Variants in FRMPD4 observed in about 807,000 individuals in gnomAD.
The protein encoded by FRMPD4 is FERM and PDZ domain-containing protein 4.
In FRMPD4, 22 loss-of-function variants were observed where a neutral mutation model predicts 94.1. The observed-to-expected ratio is 0.23, with a 90% CI of 0.17 to 0.33. The LOEUF (loss-of-function observed/expected upper bound fraction) is 0.33. Ranked by LOEUF, FRMPD4 falls within the 10% of genes least tolerant of loss-of-function variation. FRMPD4 has a pLI of 1.00. For synonymous variants in FRMPD4, 631 were observed against 548.6 expected (o/e 1.15, Z -2.10); for missense variants, 1,111 against 1,339.9 (o/e 0.83, Z 2.67).
At chrX:12,570,827 C>T (rs189984164) in intron 2 of FRMPD4, among the ~76,000 whole-genome samples, 2 of 110,788 alleles carry the variant, frequency 1.8e-5, no homozygotes, top group East Asian at 5.6e-4. Flanking sequence ...ATCTGCTGGA[C>T]AAAAGGATAG....
intron 1 of FRMPD4, among the ~76,000 whole-genome samples, chrX:11,829,804 G>T (rs1476027610): frequency 8.9e-6 from 1 of 111,928 alleles, no homozygotes; most frequent in East Asian, 2.8e-4. Context: ...AAGAAAATAG[G>T]ACCTTTGTTA....
intron 2 of FRMPD4, among the ~76,000 whole-genome samples, chrX:12,528,580 A>C (rs1368941275): frequency 1.8e-5 from 2 of 110,847 alleles, no homozygotes; most frequent in Non-Finnish European, 3.8e-5. Flanking sequence ...GGCCTCCCAA[A>C]GTGCTGGGAT....
At chrX:12,020,093 G>A (rs1473950203) in intron 3 of FRMPD4, among the ~76,000 whole-genome samples, 1 of 111,503 alleles carries the variant, frequency 9.0e-6, no homozygotes, top group Non-Finnish European at 1.9e-5. Context: ...TTTAACCACC[G>A]TACCCTTTAT....
chrX:11,948,916 G>T (rs1356589248), intron 3 of FRMPD4, among the ~76,000 whole-genome samples: 3 of 111,753 alleles, frequency 2.7e-5, no homozygotes, highest in African/African-American at 3.2e-5. Flanking sequence ...AAAAAAATAT[G>T]CAATGCTCTG....
At chrX:12,248,647 A>G (rs1184730998) in intron 1 of FRMPD4, among the ~76,000 whole-genome samples, 1 of 112,710 alleles carries the variant, frequency 8.9e-6, no homozygotes, top group Non-Finnish European at 1.9e-5. Flanking sequence ...ACCACAAAGA[A>G]TAAAGCAAAT....
At chrX:12,058,057 G>T (rs963524358) in intron 3 of FRMPD4, among the ~76,000 whole-genome samples, 3 of 111,296 alleles carry the variant, frequency 2.7e-5, no homozygotes, top group Non-Finnish European at 3.8e-5. Flanking sequence ...GCAATTTGGG[G>T]GTTGTAGTAA....
chrX:12,075,867 T>G (rs1028494973), intron 3 of FRMPD4, among the ~76,000 whole-genome samples: 2 of 112,216 alleles, frequency 1.8e-5, no homozygotes, highest in African/African-American at 6.5e-5. Context: ...CATTTCTCAC[T>G]TCACAAGTCC....
At chrX:12,234,135 A>G (rs2057044476) in intron 1 of FRMPD4, among the ~76,000 whole-genome samples, 1 of 111,725 alleles carries the variant, frequency 9.0e-6, no homozygotes, top group African/African-American at 3.3e-5. Context: ...CAGCCAAGCT[A>G]GGCAGAGGGC....
intron 4 of FRMPD4, among the ~76,000 whole-genome samples, chrX:12,629,799 T>A (rs1012834986): frequency 1.8e-5 from 2 of 112,223 alleles, no homozygotes; most frequent in African/African-American, 3.2e-5. Context: ...AAGCACTTTG[T>A]GGCCTGTAGC....
intron 4 of FRMPD4, among the ~76,000 whole-genome samples, chrX:12,617,938 A>G (rs2148429226): frequency 9.0e-6 from 1 of 111,332 alleles, no homozygotes; most frequent in Non-Finnish European, 1.9e-5. Flanking sequence ...TGCAGAGACC[A>G]ATTTACTGCT....
chrX:12,366,035 T>C (rs2056070417), intron 1 of FRMPD4, among the ~76,000 whole-genome samples: 1 of 112,124 alleles, frequency 8.9e-6, no homozygotes, highest in Admixed American at 9.4e-5. Context: ...CCTAAAAATG[T>C]GTTTTGCCTT....
chrX:12,293,888 G>A (rs376472450), intron 1 of FRMPD4, among the ~76,000 whole-genome samples: 3 of 112,097 alleles, frequency 2.7e-5, no homozygotes, highest in Non-Finnish European at 5.6e-5. Flanking sequence ...GAATAATAGC[G>A]TAGCCCTTAA....
intron 3 of FRMPD4, among the ~76,000 whole-genome samples, chrX:12,037,669 T>G (rs1021362537): frequency 9.0e-6 from 1 of 111,221 alleles, no homozygotes; most frequent in Non-Finnish European, 1.9e-5. Flanking sequence ...GTACAGATTC[T>G]TTTATCATAC....
intron 1 of FRMPD4, among the ~76,000 whole-genome samples, chrX:12,409,220 T>C (rs1011573111): frequency 2.7e-5 from 3 of 111,973 alleles, no homozygotes; most frequent in African/African-American, 9.7e-5. Flanking sequence ...GCAGCGGTTC[T>C]CAATCGGGTG....
rs762027673 is a variant in FRMPD4, at chrX:12,701,834, A to G, written c.934-40A>G. The G allele has an allele frequency of 5.0e-6, 6 of 1,200,345 alleles. No homozygotes were observed. In the East Asian group the frequency reaches 8.9e-5, roughly 18 times the overall value. Reference sequence around the variant, plus strand: ...TCTGTAAGTCCACGCGCTGCGGCCTATTCTTTGACAAGCTGTGCCCCCTGC... The same window carrying G: ...TCTGTAAGTCCACGCGCTGCGGCCTGTTCTTTGACAAGCTGTGCCCCCTGC... On this transcript the variant is annotated intron_variant, in intron 9 of 16. Transcript: ENST00000675598.
At chrX:12,686,324 A>G in intron 7 of FRMPD4, 120 bp downstream of exon 7, 1 of 425,691 alleles carries the variant, frequency 2.3e-6, no homozygotes, top group Admixed American at 4.2e-5. Context: ...AGTTTTGTTG[A>G]TTGCCTCCAT....
rs201325065 is a variant in FRMPD4, at chrX:12,716,659, C to T, written c.2200C>T (p.Pro734Ser). 1.6e-4 allele frequency: 193 copies of T among 1,208,575 alleles called. No homozygotes were observed. Among genetic ancestry groups the T allele is most frequent in the Non-Finnish European group, 1.6e-4 (142 of 893,953 alleles). The change falls in exon 15 of 17, where the codon CCC becomes TCC. Residue 734 changes from proline to serine, a missense_variant. Coordinates refer to ENST00000675598, the MANE Select transcript of FRMPD4 (RefSeq NM_001368397.1). Reference sequence around the variant, plus strand: ...CCAGGCCGCGGAGGGGATCGAGGAACCCCTCTTGCATGACATCTGTTATGC... The same window carrying T: ...CCAGGCCGCGGAGGGGATCGAGGAATCCCTCTTGCATGACATCTGTTATGC... Reference protein sequence around the residue: ...SFQAAEGIEEPLLHDICYAEN... With the variant: ...SFQAAEGIEESLLHDICYAEN...
intron 1 of FRMPD4, among the ~76,000 whole-genome samples, chrX:12,408,181 A>T (rs1192076678): frequency 4.7e-5 from 5 of 106,105 alleles, no homozygotes; most frequent in Non-Finnish European, 9.7e-5. Flanking sequence ...TTCGGAAGGG[A>T]TATGTAGGAC....
chrX:12,626,106 C>T (rs1181836209), intron 4 of FRMPD4, among the ~76,000 whole-genome samples: 4 of 110,861 alleles, frequency 3.6e-5, no homozygotes, highest in African/African-American at 1.3e-4. Flanking sequence ...GTGGGAGGAT[C>T]ACTTGAGGCC....
Sources: gnomAD v4.1 joint callset for allele counts (sites outside exome capture counted in the v4.1 genomes callset) on GRCh38, gnomAD v4.1.1 for gene constraint, MANE v1.5 for transcripts, NCBI Gene and HGNC (gene_info 2026-07-23, HGNC 2026-07-21) for gene names.